SUSD4: variants seen among roughly 807,000 people sequenced by gnomAD.
SUSD4 encodes the protein sushi domain containing 4, also known as sushi domain-containing protein 4.
A neutral mutation model predicts 50.5 loss-of-function variants in SUSD4; 41 were observed. The observed-to-expected ratio is 0.81, with a 90% CI of 0.63 to 1.05. The LOEUF (loss-of-function observed/expected upper bound fraction) is 1.05, where lower values mean the gene tolerates loss of function less well. Ranked by LOEUF, SUSD4 falls within the 50% of genes least tolerant of loss-of-function variation. SUSD4 has a pLI of 0.00. For synonymous variants in SUSD4, 257 were observed against 257.3 expected (o/e 1.00, Z 0.01); for missense variants, 580 against 634.7 (o/e 0.91, Z 0.93).
intron 5 of SUSD4, among the ~76,000 whole-genome samples, chr1:223,259,307 T>C (rs375563387): frequency 3.6e-4 from 55 of 152,368 alleles, no homozygotes; most frequent in African/African-American, 1.2e-3. Context: ...TTCCATCTTT[T>C]TATCTAGAGT....
chr1:223,264,851 C>T (rs781720892), intron 4 of SUSD4, 33 bp from the exon 5 acceptor site: 1 of 1,604,022 alleles, frequency 6.2e-7, no homozygotes, highest in South Asian at 1.1e-5. Context: ...GGAAAGATTC[C>T]ACTCTGTCAT....
chr1:223,307,745 C>A (rs559211877), intron 2 of SUSD4, among the ~76,000 whole-genome samples: 8 of 152,164 alleles, frequency 5.3e-5, no homozygotes, highest in Non-Finnish European at 1.2e-4. Context: ...GGGTTATCCA[C>A]GGTGCTGGTG....
chr1:223,296,085 G>A (rs1664804388), intron 2 of SUSD4, among the ~76,000 whole-genome samples: 1 of 152,168 alleles, frequency 6.6e-6, no homozygotes, highest in East Asian at 1.9e-4. Context: ...GGCTGCTCTT[G>A]GACAGCCAGT....
intron 5 of SUSD4, among the ~76,000 whole-genome samples, chr1:223,249,143 C>T (rs536125316): frequency 2.6e-5 from 4 of 152,276 alleles, no homozygotes; most frequent in African/African-American, 7.2e-5. Flanking sequence ...AGTGTTTTGA[C>T]GTCTGTGAAC....
chr1:223,362,750 G>A lies in SUSD4; in HGVS notation c.148+528C>T, dbSNP rs1413050564. Among the ~76,000 whole-genome samples, 10 of 152,236 alleles carry A rather than the reference G, an allele frequency of 6.6e-5. No individual in the cohort carries two copies. In the East Asian group the frequency reaches 9.6e-4, roughly 15 times the overall value. On this transcript the variant is annotated intron_variant, in intron 2 of 8. Transcript: ENST00000366878. ...ATACACATACATGCTGCACACACAG[G>A]GGAAGGGAAAGTTAACTTTCAAATA...
chr1:223,301,901 T>C (rs1665221663), intron 2 of SUSD4, among the ~76,000 whole-genome samples: 1 of 152,136 alleles, frequency 6.6e-6, no homozygotes. Context: ...GAGTTTCCCA[T>C]CATCTCAAAA....
At chr1:223,327,627 G>A (rs369063656) in intron 2 of SUSD4, among the ~76,000 whole-genome samples, 3 of 152,120 alleles carry the variant, frequency 2.0e-5, no homozygotes, top group African/African-American at 7.2e-5. Flanking sequence ...CCACAGTTCC[G>A]ATAACCCAGC....
chr1:223,355,028 G>C (rs1668579148), intron 2 of SUSD4, among the ~76,000 whole-genome samples: 1 of 151,380 alleles, frequency 6.6e-6, no homozygotes, highest in Non-Finnish European at 1.5e-5. Flanking sequence ...CTTGATTTCA[G>C]CTCACTGCAC....
chr1:223,362,047 A>G (rs1244589229), intron 2 of SUSD4, among the ~76,000 whole-genome samples: 1 of 152,242 alleles, frequency 6.6e-6, no homozygotes, highest in East Asian at 1.9e-4. Flanking sequence ...TCTTAAAAAA[A>G]AAATACAAAA....
At chr1:223,307,295 G>A (rs1665596642) in intron 2 of SUSD4, among the ~76,000 whole-genome samples, 1 of 152,168 alleles carries the variant, frequency 6.6e-6, no homozygotes. Flanking sequence ...TTTCTTTTCT[G>A]TGAGCAACAG....
chr1:223,305,218 T>C (rs1665461856), intron 2 of SUSD4, among the ~76,000 whole-genome samples: 1 of 152,030 alleles, frequency 6.6e-6, no homozygotes, highest in Non-Finnish European at 1.5e-5. Context: ...GCTCTGGCCT[T>C]TGTTCTAAGA....
chr1:223,359,487 A>G (rs564881768), intron 2 of SUSD4, among the ~76,000 whole-genome samples: 1 of 152,184 alleles, frequency 6.6e-6, no homozygotes, highest in Non-Finnish European at 1.5e-5. Context: ...CTCATAGGCT[A>G]CCATTAATTG....
chr1:223,301,466 T>C (rs1665190077), intron 2 of SUSD4, among the ~76,000 whole-genome samples: 1 of 152,218 alleles, frequency 6.6e-6, no homozygotes, highest in African/African-American at 2.4e-5. Context: ...GAGTTAGTTC[T>C]AGAGACTGGA....
At chr1:223,232,929 C>T (rs945963907) in intron 5 of SUSD4, among the ~76,000 whole-genome samples, 5 of 152,192 alleles carry the variant, frequency 3.3e-5, no homozygotes, top group Admixed American at 2.0e-4. Flanking sequence ...ATGAAAACTG[C>T]ATAACACAAA....
At chr1:223,354,261 T>C (rs1364301629) in intron 2 of SUSD4, among the ~76,000 whole-genome samples, 1 of 151,634 alleles carries the variant, frequency 6.6e-6, no homozygotes, top group Non-Finnish European at 1.5e-5. Context: ...AGCAATCAAT[T>C]GCCAGAATAA....
chr1:223,336,986 C>T (rs145602868), intron 2 of SUSD4, among the ~76,000 whole-genome samples: 83 of 152,304 alleles, frequency 5.4e-4, no homozygotes, highest in African/African-American at 2.0e-3. Context: ...CCACCACCAG[C>T]TTTCCCACAG....
intron 3 of SUSD4, among the ~76,000 whole-genome samples, chr1:223,279,659 A>T (rs967964277): frequency 1.5e-4 from 23 of 152,290 alleles, no homozygotes; most frequent in African/African-American, 5.5e-4. Flanking sequence ...GTTGGAAAAC[A>T]CTCTGCAGGG....
intron 5 of SUSD4, among the ~76,000 whole-genome samples, chr1:223,249,261 T>C (rs982305508): frequency 2.6e-5 from 4 of 152,156 alleles, no homozygotes; most frequent in Non-Finnish European, 5.9e-5. Context: ...AAATGGAGCG[T>C]GTGTCCCACC....
At chr1:223,244,677 G>C (rs1660802351) in intron 5 of SUSD4, among the ~76,000 whole-genome samples, 1 of 150,738 alleles carries the variant, frequency 6.6e-6, no homozygotes, top group African/African-American at 2.4e-5. Flanking sequence ...CTTGGTGTAG[G>C]CTCAGGTGTT....
Sources: gnomAD v4.1 joint callset for allele counts (sites outside exome capture counted in the v4.1 genomes callset) on GRCh38, gnomAD v4.1.1 for gene constraint, MANE v1.5 for transcripts, NCBI Gene and HGNC (gene_info 2026-07-23, HGNC 2026-07-21) for gene names.